VRK2: variants seen among roughly 807,000 people sequenced by gnomAD.
The protein encoded by VRK2 is VRK serine/threonine kinase 2.
In VRK2, 60 loss-of-function variants were observed where a neutral mutation model predicts 57.6. That is an observed-to-expected ratio of 1.04 (90% CI 0.85 to 1.29). The LOEUF (loss-of-function observed/expected upper bound fraction) is 1.29, where lower values mean the gene tolerates loss of function less well. Ranked by LOEUF, VRK2 falls within the 50% of genes most tolerant of loss-of-function variation. The probability of loss-of-function intolerance (pLI) is 0.00; values close to 1 mark genes in which losing one functional copy is unlikely to be tolerated. For missense variants in VRK2, 705 were observed against 588.1 expected (o/e 1.20, Z -2.06); for synonymous variants, 231 against 199.2 (o/e 1.16, Z -1.35).
intron 1 of VRK2, among the ~76,000 whole-genome samples, chr2:57,943,157 T>C (rs1671153060): frequency 6.6e-6 from 1 of 152,196 alleles, no homozygotes; most frequent in Non-Finnish European, 1.5e-5. Context: ...GCTATCAAAC[T>C]GAATGCTTGA....
At chr2:58,137,896 A>C (rs1680773100) in intron 10 of VRK2, among the ~76,000 whole-genome samples, 1 of 152,226 alleles carries the variant, frequency 6.6e-6, no homozygotes, top group East Asian at 1.9e-4. Context: ...CATTTAAACC[A>C]GTATTACATC....
intron 12 of VRK2, among the ~76,000 whole-genome samples, chr2:58,150,606 T>C (rs1682871443): frequency 6.6e-6 from 1 of 150,688 alleles, no homozygotes; most frequent in African/African-American, 2.4e-5. Context: ...TTGTTGATTT[T>C]TTTAAAAAAA....
intron 1 of VRK2, among the ~76,000 whole-genome samples, chr2:57,946,565 C>T (rs1309105696): frequency 6.6e-6 from 1 of 152,058 alleles, no homozygotes; most frequent in East Asian, 1.9e-4. Flanking sequence ...AAAGAAATTA[C>T]ACTTATTGAT....
chr2:58,130,778 G>A (rs1030396511), intron 8 of VRK2, among the ~76,000 whole-genome samples: 6 of 152,036 alleles, frequency 3.9e-5, no homozygotes, highest in African/African-American at 1.4e-4. Flanking sequence ...ATGAACATTC[G>A]AGTAATGACA....
chr2:57,968,026 A>G (rs1671975367), intron 1 of VRK2, among the ~76,000 whole-genome samples: 1 of 152,126 alleles, frequency 6.6e-6, no homozygotes, highest in South Asian at 2.1e-4. Flanking sequence ...GATAAGTTAT[A>G]CATGAGATAA....
intron 1 of VRK2, among the ~76,000 whole-genome samples, chr2:57,915,512 T>G (rs2717002): frequency 0.65 from 98,247 of 151,846 alleles, 32,105 homozygotes; most frequent in African/African-American, 0.76. Context: ...CCCTAGGATG[T>G]TAAAATAATA....
chr2:58,089,042 A>G (rs1041869185), intron 6 of VRK2, among the ~76,000 whole-genome samples: 7 of 152,224 alleles, frequency 4.6e-5, no homozygotes, highest in Non-Finnish European at 1.0e-4. Context: ...ATTGGAATGC[A>G]GCAAATAGAA....
intron 12 of VRK2, 153 bp from the exon 13 acceptor site, chr2:58,159,196 G>C: frequency 1.7e-6 from 1 of 574,130 alleles, no homozygotes; most frequent in South Asian, 3.1e-5. Context: ...AAATCTTTAA[G>C]ATCTTTACCT....
intron 1 of VRK2, among the ~76,000 whole-genome samples, chr2:57,911,936 C>G (rs940451913): frequency 6.6e-6 from 1 of 152,158 alleles, no homozygotes; most frequent in Admixed American, 6.6e-5. Context: ...TAAGAGATAA[C>G]CTGCTCTCCT....
Position 58,146,437 on chromosome 2 carries a change from A to T in VRK2, c.1145A>T (p.Glu382Val), listed in dbSNP as rs190406376. Residue 382 changes from glutamate to valine, a missense_variant, in exon 12 of 13, where the codon GAG becomes GTG. By Grantham distance (121) the Glu-to-Val change is moderately radical (BLOSUM62 -2). Coordinates refer to ENST00000340157, the MANE Select transcript of VRK2 (RefSeq NM_006296.7). Reference sequence around the variant, plus strand: ...GCAACATGGAAAGTGCAGAAAGAGGAGAAACTGATTGGATTGATGAACAAT... The same window carrying T: ...GCAACATGGAAAGTGCAGAAAGAGGTGAAACTGATTGGATTGATGAACAAT... ...SCATWKVQKE[E>V]KLIGLMNNEA... 6.2e-7 allele frequency: 1 copy of T among 1,611,488 alleles called. No homozygotes were observed. The highest frequency in any genetic ancestry group is 1.7e-5 in the Admixed American group (1 of 59,796).
chr2:58,146,444 G>A lies in VRK2; in HGVS notation c.1152G>A (p.Leu384=), dbSNP rs1682148685. ...ATWKVQKEEK[L]IGLMNNEAAQ... is the part of the protein sequence containing the mutation. ...GGAAAGTGCAGAAAGAGGAGAAACT[G>A]ATTGGATTGATGAACAATGAAGCAG... is the stretch of plus-strand genomic sequence containing the variant. Residue 384 remains leucine (L), a synonymous_variant, in exon 12 of 13, where the codon CTG becomes CTA. Coordinates refer to ENST00000340157, the MANE Select transcript of VRK2 (RefSeq NM_006296.7). 1 of 1,610,862 alleles carries A rather than the reference G, an allele frequency of 6.2e-7. No homozygotes were observed. The highest frequency in any genetic ancestry group is 8.5e-7 in the Non-Finnish European group (1 of 1,177,984).
In VRK2 at chr2:58,068,881, T is replaced by G. The variant is rs373947639; in HGVS notation, c.137-15208T>G. The stretch of plus-strand genomic sequence containing the variant: ...TTTCAAAAACATCATTTGATTCTTT[T>G]TTGTATTTTCTGTCTTTGTTGCATT... On this transcript the variant is annotated intron_variant, in intron 2 of 12. Coordinates refer to ENST00000340157, the MANE Select transcript of VRK2 (RefSeq NM_006296.7). 1.5e-4 allele frequency among the ~76,000 whole-genome samples: 23 copies of G among 152,218 alleles called. No homozygotes were observed. In the South Asian group the frequency reaches 4.4e-3, roughly 29 times the overall value.
chr2:57,955,010 A>T (rs759440765), intron 1 of VRK2, among the ~76,000 whole-genome samples: 1 of 152,202 alleles, frequency 6.6e-6, no homozygotes, highest in African/African-American at 2.4e-5. Flanking sequence ...CTATTAAAAA[A>T]TGTTTATGAT....
intron 1 of VRK2, among the ~76,000 whole-genome samples, chr2:58,015,080 T>A (rs1238944421): frequency 6.6e-6 from 1 of 151,884 alleles, no homozygotes; most frequent in East Asian, 1.9e-4. Flanking sequence ...AGTTATACAA[T>A]CATTTTTTTT....
In VRK2 at chr2:58,146,360, CAATAGGTTAATCGAAAA is replaced by C. The variant is rs1682125553; in HGVS notation, c.1071_1087del (p.Asn357LysfsTer5). On this transcript the variant is annotated frameshift_variant, in exon 12 of 13. Transcript: ENST00000340157. LOFTEE classifies it high-confidence loss of function. ...CAACAAAGCAAGTCAACAAGGCACA[CAATAGGTTAATCGAAAA>C]AAAAGTCCACAGTGAGAGAAGCGCT... 6.2e-7 allele frequency: 1 copy of C among 1,611,086 alleles called. No individual in the cohort carries two copies. The highest frequency in any genetic ancestry group is 1.7e-5 in the Admixed American group (1 of 59,752).
chr2:57,967,816 A>G lies in VRK2; in HGVS notation c.-438-57849A>G, dbSNP rs372452482. Among the ~76,000 whole-genome samples the G allele has an allele frequency of 3.5e-4, 54 of 152,288 alleles. 1 individual carries two copies. In the South Asian group the frequency reaches 0.01, roughly 29 times the overall value. On this transcript the variant is annotated intron_variant, in intron 1 of 15. Transcript: ENST00000417641. ...TTGAAGGATCAGGACTAAGAATTTG[A>G]CCAGGAATAAATTAAAAGGGAATTA... is the stretch of plus-strand genomic sequence containing the variant.
intron 2 of VRK2, chr2:58,058,252 T>A: frequency 2.3e-6 from 1 of 434,766 alleles, no homozygotes; most frequent in South Asian, 1.7e-5. Flanking sequence ...AAAAGTGTCA[T>A]TCTATTTAAC....
intron 12 of VRK2, among the ~76,000 whole-genome samples, chr2:58,151,805 A>G: frequency 8.6e-6 from 1 of 116,524 alleles, no homozygotes; most frequent in Non-Finnish European, 1.6e-5. Context: ...TCAGCTCCAT[A>G]GCCTATGGGC....
At chr2:58,025,073 T>C (rs1031340649) in intron 1 of VRK2, among the ~76,000 whole-genome samples, 2 of 152,140 alleles carry the variant, frequency 1.3e-5, no homozygotes, top group African/African-American at 2.4e-5. Context: ...TTGTCCTTAA[T>C]CCCATGTTGC....
Sources: allele counts gnomAD v4.1 joint callset (sites outside exome capture counted in the v4.1 genomes callset), GRCh38; gene constraint gnomAD v4.1.1; transcripts MANE v1.5; gene names NCBI Gene and HGNC (gene_info 2026-07-23, HGNC 2026-07-21).